DPP10: variants seen among roughly 807,000 people sequenced by gnomAD.
DPP10 encodes inactive dipeptidyl peptidase 10.
DPP10 carries 33 observed loss-of-function variants against 120.9 expected under a neutral mutation model. That is an observed-to-expected ratio of 0.27 (90% CI 0.21 to 0.37). The LOEUF is 0.37. Ranked by LOEUF, DPP10 falls within the 10% of genes least tolerant of loss-of-function variation. The probability of loss-of-function intolerance (pLI) is 1.00; values close to 1 mark genes in which losing one functional copy is unlikely to be tolerated. For missense variants in DPP10, 816 were observed against 942.8 expected, an observed-to-expected ratio of 0.87 and a Z score of 1.76; for synonymous variants, 337 against 326.1, an observed-to-expected ratio of 1.03 and a Z score of -0.36.
At chr2:114,683,323 G>A (rs1699147089) in intron 1 of DPP10, among the ~76,000 whole-genome samples, 1 of 151,768 alleles carries the variant, frequency 6.6e-6, no homozygotes, top group Admixed American at 6.6e-5. Flanking sequence ...CTAAACATGA[G>A]GAATATAAGG....
chr2:114,620,332 T>A (rs1445424359), intron 1 of DPP10, among the ~76,000 whole-genome samples: 1 of 151,966 alleles, frequency 6.6e-6, no homozygotes, highest in African/African-American at 2.4e-5. Context: ...AATGAAGCCC[T>A]CTGAGTTGGC....
intron 1 of DPP10, among the ~76,000 whole-genome samples, chr2:115,055,741 C>T (rs183065992): frequency 1.3e-5 from 2 of 152,148 alleles, no homozygotes; most frequent in Admixed American, 6.5e-5. Context: ...AATGAAGAGC[C>T]GACTGCATTT....
At chr2:115,561,883 G>A (rs150803660) in intron 5 of DPP10, among the ~76,000 whole-genome samples, 109 of 152,156 alleles carry the variant, frequency 7.2e-4, no homozygotes, top group African/African-American at 2.5e-3. Flanking sequence ...ACACTTCCAT[G>A]GTGTCTCTTG....
chr2:115,832,150 T>C (rs1688990985), intron 21 of DPP10, among the ~76,000 whole-genome samples: 1 of 152,186 alleles, frequency 6.6e-6, no homozygotes, highest in South Asian at 2.1e-4. Flanking sequence ...TTGCATTCTG[T>C]AAATACATAT....
chr2:115,782,456 C>A, intron 17 of DPP10, 57 bp downstream of exon 17: 1 of 1,476,770 alleles, frequency 6.8e-7, no homozygotes. Context: ...TCTTAGACAT[C>A]GTGTTATCTA....
At chr2:115,634,510 A>G (rs1442888415) in intron 5 of DPP10, among the ~76,000 whole-genome samples, 1 of 152,026 alleles carries the variant, frequency 6.6e-6, no homozygotes, top group Non-Finnish European at 1.5e-5. Flanking sequence ...TCCAGACTCT[A>G]TTTACCTGGT....
intron 5 of DPP10, among the ~76,000 whole-genome samples, chr2:115,533,885 A>G (rs1053023491): frequency 6.6e-6 from 1 of 152,006 alleles, no homozygotes; most frequent in African/African-American, 2.4e-5. Context: ...ACACAGAGAT[A>G]TTAAGGCATT....
At chr2:115,617,840 GAT>G (rs1181333728) in intron 5 of DPP10, among the ~76,000 whole-genome samples, 4 of 151,992 alleles carry the variant, frequency 2.6e-5, no homozygotes, top group Non-Finnish European at 5.9e-5. Context: ...TAAAATTTAA[GAT>G]ATAAATTACA....
chr2:115,640,433 C>A (rs1575415080), intron 5 of DPP10, among the ~76,000 whole-genome samples: 1 of 126,384 alleles, frequency 7.9e-6, no homozygotes, highest in Non-Finnish European at 1.6e-5. Context: ...AAGTATTCCC[C>A]TTTCTTATCT....
At chr2:115,450,313 T>G (rs575253980) in intron 3 of DPP10, among the ~76,000 whole-genome samples, 1 of 152,012 alleles carries the variant, frequency 6.6e-6, no homozygotes, top group African/African-American at 2.4e-5. Context: ...AATTCAAAAT[T>G]CACAGTACAT....
At chr2:114,937,615 G>C (rs2104542409) in intron 1 of DPP10, among the ~76,000 whole-genome samples, 1 of 152,226 alleles carries the variant, frequency 6.6e-6, no homozygotes, top group South Asian at 2.1e-4. Context: ...TATTGGTCTT[G>C]TGCCGGTCTT....
intron 3 of DPP10, among the ~76,000 whole-genome samples, chr2:115,464,233 C>T (rs1367067439): frequency 1.3e-5 from 2 of 152,058 alleles, no homozygotes; most frequent in African/African-American, 4.8e-5. Context: ...GGAGCTAGAA[C>T]AAGAATATAA....
intron 4 of DPP10, among the ~76,000 whole-genome samples, chr2:115,523,681 G>A (rs7583158): frequency 0.41 from 61,573 of 151,826 alleles, 13,393 homozygotes; most frequent in East Asian, 0.65. Context: ...TGTGTATCCA[G>A]TGTCACCCCA....
intron 1 of DPP10, among the ~76,000 whole-genome samples, chr2:114,980,242 GT>G (rs1291888219): frequency 6.6e-6 from 1 of 152,120 alleles, no homozygotes; most frequent in Non-Finnish European, 1.5e-5. Context: ...GGACAGTGAT[GT>G]GAATATAATT....
intron 4 of DPP10, among the ~76,000 whole-genome samples, chr2:115,518,669 G>A (rs1209383069): frequency 6.6e-6 from 1 of 151,726 alleles, no homozygotes; most frequent in Non-Finnish European, 1.5e-5. Context: ...TATTATTTTT[G>A]TTTATGAAAT....
intron 1 of DPP10, among the ~76,000 whole-genome samples, chr2:115,106,378 G>A (rs773225205): frequency 9.9e-5 from 15 of 152,274 alleles, no homozygotes; most frequent in Admixed American, 4.6e-4. Flanking sequence ...CTTTATGCAC[G>A]AATTAGAAAT....
intron 5 of DPP10, among the ~76,000 whole-genome samples, chr2:115,592,696 C>T (rs1364717908): frequency 6.6e-6 from 1 of 152,006 alleles, no homozygotes; most frequent in African/African-American, 2.4e-5. Context: ...GCAGAGGTTG[C>T]AGTGAGTCGA....
At chr2:114,569,516 C>T (rs1031096225) in intron 1 of DPP10, among the ~76,000 whole-genome samples, 8 of 152,138 alleles carry the variant, frequency 5.3e-5, no homozygotes, top group Non-Finnish European at 8.8e-5. Flanking sequence ...AGCAAGGACC[C>T]GGCAGACTGA....
intron 3 of DPP10, among the ~76,000 whole-genome samples, chr2:115,401,391 G>A (rs973135860): frequency 6.6e-6 from 1 of 152,118 alleles, no homozygotes; most frequent in African/African-American, 2.4e-5. Context: ...ACCAGCCTGG[G>A]TAACATAGAG....
Sources: allele counts gnomAD v4.1 joint callset (sites outside exome capture counted in the v4.1 genomes callset), GRCh38; gene constraint gnomAD v4.1.1; transcripts MANE v1.5; gene names NCBI Gene and HGNC (gene_info 2026-07-23, HGNC 2026-07-21).